CBLN2: variants seen among roughly 807,000 people sequenced by gnomAD.
CBLN2 encodes the protein cerebellin 2 precursor, also known as cerebellin-2.
CBLN2 carries 7 observed loss-of-function variants against 15.0 expected under a neutral mutation model. That is an observed-to-expected ratio of 0.47 (90% confidence interval 0.27 to 0.88). CBLN2 has a LOEUF of 0.88. Among genes scored for constraint, CBLN2 ranks in the 40% least tolerant of loss-of-function variants. CBLN2 has a pLI of 0.14. For synonymous variants in CBLN2, 149 were observed against 135.2 expected (o/e 1.10, Z -0.71); for missense variants, 242 against 304.5 (o/e 0.79, Z 1.53).
upstream of CBLN2, among the ~76,000 whole-genome samples, chr18:72,547,906 T>C (rs1038350838): frequency 1.3e-5 from 2 of 152,228 alleles, no homozygotes; most frequent in Admixed American, 6.5e-5. Flanking sequence ...CTTTCCAAAA[T>C]ATGTTTTCTT....
chr18:72,553,230 G>A (rs936029632), intron 1 of CBLN2, among the ~76,000 whole-genome samples: 1 of 152,094 alleles, frequency 6.6e-6, no homozygotes, highest in South Asian at 2.1e-4. Flanking sequence ...ACACTGAGCT[G>A]GATCTCAGGG....
intron 1 of CBLN2, among the ~76,000 whole-genome samples, chr18:72,599,924 C>T (rs994384461): frequency 6.6e-6 from 1 of 152,164 alleles, no homozygotes; most frequent in African/African-American, 2.4e-5. Flanking sequence ...AGGGCCAAGA[C>T]TGAGTGAGCT....
intron 1 of CBLN2, among the ~76,000 whole-genome samples, chr18:72,595,151 T>C (rs950932430): frequency 1.3e-5 from 2 of 152,058 alleles, no homozygotes; most frequent in African/African-American, 4.8e-5. Context: ...ACTCCTTTTT[T>C]CTCATAGGTG....
chr18:72,629,846 TAAAC>T (rs1316143525), intron 1 of CBLN2, among the ~76,000 whole-genome samples: 1 of 152,152 alleles, frequency 6.6e-6, no homozygotes, highest in Non-Finnish European at 1.5e-5. Context: ...ATATTTCAAA[TAAAC>T]AATTCCAAGG....
intron 1 of CBLN2, among the ~76,000 whole-genome samples, chr18:72,559,168 T>C (rs543676367): frequency 1.8e-4 from 28 of 152,328 alleles, no homozygotes; most frequent in African/African-American, 6.5e-4. Flanking sequence ...AAGTCAAGCA[T>C]CTTTGATGTG....
intron 1 of CBLN2, among the ~76,000 whole-genome samples, chr18:72,609,499 G>A (rs547462181): frequency 2.4e-4 from 36 of 152,150 alleles, no homozygotes; most frequent in African/African-American, 8.4e-4. Flanking sequence ...TCAGACTCTA[G>A]CCTCCAGAAC....
At position 72,538,693 on chromosome 18, in the gene CBLN2, C is replaced by G; in HGVS notation, c.437G>C (p.Ser146Thr). The G allele has an allele frequency of 6.2e-7, 1 of 1,614,088 alleles. No individual in the cohort carries two copies. Among genetic ancestry groups the G allele is most frequent in the Non-Finnish European group, 8.5e-7 (1 of 1,180,016 alleles). Residue 146 changes from serine (S) to threonine (T), a missense_variant, in exon 4 of 5, where the codon AGC becomes ACC. Coordinates refer to ENST00000269503, the MANE Select transcript of CBLN2 (RefSeq NM_182511.4). ...GTTATACACTTTGACCACGTGGAAG[C>G]TGAAGCTATAAATCCCTTTTCTCGG... is the stretch of plus-strand genomic sequence containing the variant. ...VAPRKGIYSF[S>T]FHVVKVYNRQ...
intron 1 of CBLN2, among the ~76,000 whole-genome samples, chr18:72,551,296 A>G (rs1471613234): frequency 1.3e-5 from 2 of 152,176 alleles, no homozygotes; most frequent in Non-Finnish European, 1.5e-5. Flanking sequence ...TTGTTTAGTT[A>G]CCCTACCAGA....
chr18:72,615,721 G>T (rs532038028), intron 1 of CBLN2, among the ~76,000 whole-genome samples: 6 of 152,022 alleles, frequency 3.9e-5, no homozygotes, highest in Admixed American at 3.9e-4. Context: ...TCTATGAAGC[G>T]TGACCAGCAA....
At chr18:72,617,340 T>A (rs2069668943) in intron 1 of CBLN2, among the ~76,000 whole-genome samples, 2 of 152,194 alleles carry the variant, frequency 1.3e-5, no homozygotes, top group African/African-American at 4.8e-5. Context: ...TTACCATGAA[T>A]TCTACTAAAT....
intron 1 of CBLN2, among the ~76,000 whole-genome samples, chr18:72,581,412 C>T (rs1354823249): frequency 6.6e-6 from 1 of 152,080 alleles, no homozygotes. Flanking sequence ...AAATTCTAGC[C>T]ATTCTTATGG....
At chr18:72,591,722 C>T (rs1343120869) in intron 1 of CBLN2, among the ~76,000 whole-genome samples, 1 of 152,106 alleles carries the variant, frequency 6.6e-6, no homozygotes, top group African/African-American at 2.4e-5. Context: ...ATTTTTAGCT[C>T]CCACAAATAA....
chr18:72,587,945 T>A (rs1195758961), intron 1 of CBLN2, among the ~76,000 whole-genome samples: 1 of 152,216 alleles, frequency 6.6e-6, no homozygotes, highest in Non-Finnish European at 1.5e-5. Context: ...ATAGGGTCCC[T>A]GAACATTAGC....
At chr18:72,546,012 G>A (rs112718154), upstream of CBLN2, among the ~76,000 whole-genome samples, 1,195 of 152,244 alleles carry the variant, frequency 7.8e-3, 17 homozygotes, top group African/African-American at 0.027. Flanking sequence ...AAAGCTATAA[G>A]CATTCTTATA....
At chr18:72,556,087 A>G (rs610724) in intron 1 of CBLN2, among the ~76,000 whole-genome samples, 1,861 of 152,186 alleles carry the variant, frequency 0.012, 35 homozygotes, top group African/African-American at 0.042. Context: ...ATCCCTAATT[A>G]CCTGTCCTGT....
intron 1 of CBLN2, among the ~76,000 whole-genome samples, chr18:72,596,992 T>C (rs1286767245): frequency 6.6e-6 from 1 of 152,212 alleles, no homozygotes; most frequent in East Asian, 1.9e-4. Flanking sequence ...ATTATCCCTT[T>C]GAATAAATTT....
chr18:72,570,931 C>G (rs2144906258), intron 1 of CBLN2, among the ~76,000 whole-genome samples: 1 of 152,100 alleles, frequency 6.6e-6, no homozygotes, highest in Middle Eastern at 3.4e-3. Context: ...TAGGCAAATT[C>G]ACAAATATAT....
rs2069744425 is a variant in CBLN2 at position 72,627,031 on chromosome 18, A to G, written c.15+11294T>C. 1.3e-5 allele frequency among the ~76,000 whole-genome samples: 2 copies of G among 152,312 alleles called. 1 individual carries two copies. Among genetic ancestry groups the G allele is most frequent in the South Asian group, 4.1e-4 (2 of 4,824 alleles). On this transcript the variant is annotated intron_variant, in intron 1 of 2. Coordinates refer to the CBLN2 transcript ENST00000581073. ...TCCCACTCAACGTTATTTTTGTGAG[A>G]CATCCATATTGTGTCAGGCAGTTGG...
chr18:72,620,952 G>A (rs2069696809), intron 1 of CBLN2, among the ~76,000 whole-genome samples: 1 of 152,182 alleles, frequency 6.6e-6, no homozygotes, highest in East Asian at 1.9e-4. Context: ...TGACTGATAA[G>A]TGCATAGGAA....
Sources: gnomAD v4.1 joint callset for allele counts (sites outside exome capture counted in the v4.1 genomes callset) on GRCh38, gnomAD v4.1.1 for gene constraint, MANE v1.5 for transcripts, NCBI Gene and HGNC (gene_info 2026-07-23, HGNC 2026-07-21) for gene names.